CTNND2: variants seen among roughly 807,000 people sequenced by gnomAD.
CTNND2 encodes the protein catenin delta 2.
A neutral mutation model predicts 144.4 loss-of-function variants in CTNND2; 22 were observed. The observed-to-expected ratio is 0.15, with a 90% confidence interval of 0.11 to 0.22. The LOEUF (loss-of-function observed/expected upper bound fraction) is 0.22. Ranked by LOEUF, CTNND2 falls within the 10% of genes least tolerant of loss-of-function variation. CTNND2 has a pLI of 1.00. For missense variants in CTNND2, 1,353 were observed against 1,618.8 expected, an observed-to-expected ratio of 0.84 and a Z score of 2.82; for synonymous variants, 751 against 695.6, an observed-to-expected ratio of 1.08 and a Z score of -1.25.
intron 1 of CTNND2, among the ~76,000 whole-genome samples, chr5:11,897,356 TACA>T (rs1202851248): frequency 3.3e-5 from 5 of 152,222 alleles, no homozygotes; most frequent in Admixed American, 3.3e-4. Flanking sequence ...TAGACTTAAA[TACA>T]ACATCGTATC....
chr5:11,785,586 T>C (rs879782161), intron 1 of CTNND2, among the ~76,000 whole-genome samples: 2 of 152,128 alleles, frequency 1.3e-5, no homozygotes, highest in African/African-American at 4.8e-5. Context: ...TAACATATGT[T>C]AATGTGGGAA....
intron 2 of CTNND2, among the ~76,000 whole-genome samples, chr5:11,666,770 T>C (rs1783588374): frequency 1.3e-5 from 2 of 152,164 alleles, no homozygotes; most frequent in Admixed American, 1.3e-4. Flanking sequence ...TTCTTATTTT[T>C]TCTTTTTTTA....
At chr5:11,819,416 C>T (rs1322269257) in intron 1 of CTNND2, among the ~76,000 whole-genome samples, 1 of 152,048 alleles carries the variant, frequency 6.6e-6, no homozygotes, top group Admixed American at 6.5e-5. Context: ...GCCTGGGTGA[C>T]AGAGCAAGAT....
chr5:11,451,733 C>G lies in CTNND2; in HGVS notation c.288-39664G>C, dbSNP rs1765330837. Among the ~76,000 whole-genome samples, 5 of 152,200 alleles carry G rather than the reference C, an allele frequency of 3.3e-5. No homozygotes were observed. The South Asian group carries it at 1.0e-3, about 32-fold the overall frequency. On this transcript the variant is annotated intron_variant, in intron 3 of 21. Transcript: ENST00000304623. The stretch of plus-strand genomic sequence containing the variant: ...AAGGCAGTTTCAATATTACTATTTA[C>G]ATAATTCGCACGTTCAAGATCTGTT...
At chr5:11,616,585 C>CCCTT (rs553603829) in intron 2 of CTNND2, among the ~76,000 whole-genome samples, 7 of 150,690 alleles carry the variant, frequency 4.6e-5, no homozygotes, top group Non-Finnish European at 5.9e-5. Flanking sequence ...CCTTTCCTTC[C>CCCTT]CCTTCCTTCC....
At chr5:11,586,116 C>T (rs746597313) in intron 2 of CTNND2, among the ~76,000 whole-genome samples, 6 of 152,048 alleles carry the variant, frequency 3.9e-5, no homozygotes, top group Admixed American at 6.5e-5. Context: ...GCCTGCTATT[C>T]GAAAATAATC....
At position 11,799,869 on chromosome 5, in the gene CTNND2, G is replaced by A. The variant is rs1040673756; in HGVS notation, c.38-67597C>T. Among the ~76,000 whole-genome samples, 249 of 152,216 alleles carry A rather than the reference G, an allele frequency of 1.6e-3. 1 individual carries two copies. The highest frequency in any genetic ancestry group is 5.7e-3 in the African/African-American group (238 of 41,554). ...TAGTCAAAGTCACACAACACACAAAGAGGAATGCTAGATTCAGACTCATAT... is the reference window on the plus strand; with the variant it reads ...TAGTCAAAGTCACACAACACACAAAAAGGAATGCTAGATTCAGACTCATAT... On this transcript the variant is annotated intron_variant, in intron 1 of 21. Coordinates refer to ENST00000304623, the MANE Select transcript of CTNND2 (RefSeq NM_001332.4).
chr5:11,832,438 A>G (rs1793958663), intron 1 of CTNND2, among the ~76,000 whole-genome samples: 1 of 152,208 alleles, frequency 6.6e-6, no homozygotes, highest in African/African-American at 2.4e-5. Flanking sequence ...AACAAAAATA[A>G]ACAAATAAAA....
intron 11 of CTNND2, among the ~76,000 whole-genome samples, chr5:11,173,143 C>T (rs1760103445): frequency 6.6e-6 from 1 of 152,236 alleles, no homozygotes; most frequent in Non-Finnish European, 1.5e-5. Context: ...TCAACTTTGC[C>T]CACATGCCGA....
At chr5:11,023,160 C>T (rs1271100325) in intron 16 of CTNND2, among the ~76,000 whole-genome samples, 181 bp from the exon 17 acceptor site, 2 of 152,182 alleles carry the variant, frequency 1.3e-5, no homozygotes, top group South Asian at 2.1e-4. Flanking sequence ...GAAAAACAGT[C>T]ATTCCTCATG....
intron 3 of CTNND2, among the ~76,000 whole-genome samples, chr5:11,443,351 GGGA>G (rs1764495660): frequency 1.7e-5 from 1 of 58,572 alleles, no homozygotes; most frequent in Non-Finnish European, 2.8e-5. Flanking sequence ...GGGAGTGTGT[GGGA>G]GGGTGTGTGG....
At chr5:11,057,788 G>A (rs1413530653) in intron 16 of CTNND2, among the ~76,000 whole-genome samples, 2 of 152,270 alleles carry the variant, frequency 1.3e-5, no homozygotes, top group East Asian at 3.9e-4. Context: ...CTTGTTGAAT[G>A]TTTTTGCCCA....
At chr5:11,202,566 T>C (rs1737571361) in intron 10 of CTNND2, among the ~76,000 whole-genome samples, 1 of 152,150 alleles carries the variant, frequency 6.6e-6, no homozygotes, top group South Asian at 2.1e-4. Context: ...AGCCAAACAT[T>C]ACTCAGAATT....
intron 1 of CTNND2, among the ~76,000 whole-genome samples, chr5:11,818,164 C>T (rs1793115718): frequency 6.6e-6 from 1 of 151,606 alleles, no homozygotes; most frequent in African/African-American, 2.4e-5. Flanking sequence ...AGGAAGGATA[C>T]ACAGATGGAA....
At chr5:11,251,178 G>A (rs1428988140) in intron 9 of CTNND2, among the ~76,000 whole-genome samples, 1 of 152,142 alleles carries the variant, frequency 6.6e-6, no homozygotes, top group African/African-American at 2.4e-5. Context: ...TGACTTTATA[G>A]AACTTGAGTT....
intron 3 of CTNND2, among the ~76,000 whole-genome samples, chr5:11,505,887 T>C (rs2150016525): frequency 6.6e-6 from 1 of 152,274 alleles, no homozygotes; most frequent in African/African-American, 2.4e-5. Context: ...TTTCTATGGT[T>C]CCTGTGCCAG....
intron 8 of CTNND2, among the ~76,000 whole-genome samples, chr5:11,357,888 T>G (rs1418287579): frequency 6.6e-6 from 1 of 152,142 alleles, no homozygotes; most frequent in African/African-American, 2.4e-5. Flanking sequence ...CTATTATAAT[T>G]TTAAGTGATA....
At chr5:11,837,825 C>T (rs1010706902) in intron 1 of CTNND2, among the ~76,000 whole-genome samples, 7 of 152,110 alleles carry the variant, frequency 4.6e-5, no homozygotes, top group Non-Finnish European at 8.8e-5. Context: ...GTTTGGGTCA[C>T]TAATATCTAC....
intron 5 of CTNND2, among the ~76,000 whole-genome samples, chr5:11,406,363 A>G (rs1035309952): frequency 6.6e-6 from 1 of 152,192 alleles, no homozygotes; most frequent in African/African-American, 2.4e-5. Flanking sequence ...AATAGAAAGC[A>G]AAACAAAGAA....
Sources: allele counts gnomAD v4.1 joint callset (sites outside exome capture counted in the v4.1 genomes callset), GRCh38; gene constraint gnomAD v4.1.1; transcripts MANE v1.5; gene names NCBI Gene and HGNC (gene_info 2026-07-23, HGNC 2026-07-21).